SLC7A6: variants seen among roughly 807,000 people sequenced by gnomAD.
The protein encoded by SLC7A6 is solute carrier family 7 member 6.
In SLC7A6, 29 loss-of-function variants were observed where a neutral mutation model predicts 46.6. The ratio of observed to expected loss-of-function variants is 0.62; its 90% confidence interval spans 0.46 to 0.85. The LOEUF is 0.85. Among genes scored for constraint, SLC7A6 ranks in the 40% least tolerant of loss-of-function variants. The pLI is 0.00. For synonymous variants in SLC7A6, 276 were observed against 257.3 expected, an observed-to-expected ratio of 1.07 and a Z score of -0.70; for missense variants, 527 against 647.6, an observed-to-expected ratio of 0.81 and a Z score of 2.02.
intron 4 of SLC7A6, among the ~76,000 whole-genome samples, chr16:68,289,920 T>C (rs184003458): frequency 1.3e-5 from 2 of 152,260 alleles, no homozygotes; most frequent in Non-Finnish European, 2.9e-5. Flanking sequence ...CCAAGAGAGG[T>C]AGTTCACAGG....
chr16:68,291,709 C>T (rs754502426), intron 7 of SLC7A6, 48 bp downstream of exon 7: 2 of 1,543,668 alleles, frequency 1.3e-6, no homozygotes, highest in East Asian at 4.5e-5. Flanking sequence ...ATTTCATTCT[C>T]TGGGGCTTAG....
rs1186750811 is a variant in SLC7A6 at position 68,300,122 on chromosome 16, C to T, written c.*2794C>T. 1.3e-5 allele frequency: 2 copies of T among 152,186 alleles called. No homozygotes were observed. Among genetic ancestry groups the T allele is most frequent in the African/African-American group, 4.8e-5 (2 of 41,458 alleles). The allele number at this position is 152,186 out of a possible 1,614,324, so 9.4% of individuals were successfully genotyped here. The stretch of plus-strand genomic sequence containing the variant: ...AATGTTCTGTGTTGTTTCCTTAGAC[C>T]TGTGGTGTCCGCTGCAACAGCTACT... On this transcript the variant is annotated 3_prime_UTR_variant, in exon 11 of 11. Transcript: ENST00000219343.
chr16:68,273,760 G>A (rs578142780), intron 2 of SLC7A6: 4 of 147,604 alleles, frequency 2.7e-5, no homozygotes, highest in African/African-American at 1.0e-4. Context: ...CAGACACAGT[G>A]ATACCCAGGC....
At chr16:68,271,897 G>A (rs1390461530) in intron 2 of SLC7A6, among the ~76,000 whole-genome samples, 1 of 151,938 alleles carries the variant, frequency 6.6e-6, no homozygotes, top group Non-Finnish European at 1.5e-5. Flanking sequence ...CGCCTCCCAG[G>A]TTCAGGTGAT....
intron 5 of SLC7A6, 38 bp from the exon 6 acceptor site, chr16:68,291,171 G>A (rs367745799): frequency 9.3e-5 from 150 of 1,613,770 alleles, no homozygotes; most frequent in Non-Finnish European, 1.2e-4. Flanking sequence ...CCAAGGAGAG[G>A]TTGGTTCTAG....
At chr16:68,294,847 C>A (rs1404656947) in intron 8 of SLC7A6, 46 bp downstream of exon 8, 1 of 1,319,240 alleles carries the variant, frequency 7.6e-7, no homozygotes, top group Non-Finnish European at 1.1e-6. Flanking sequence ...CTGTGCATTG[C>A]TCCTTCTGAT....
At chr16:68,289,750 C>T (rs2043009357) in intron 4 of SLC7A6, among the ~76,000 whole-genome samples, 2 of 152,088 alleles carry the variant, frequency 1.3e-5, no homozygotes, top group African/African-American at 2.4e-5. Context: ...GCTGGCTCCC[C>T]GGAGGGTGGG....
chr16:68,291,103 G>T (rs933237406), intron 5 of SLC7A6, 106 bp from the exon 6 acceptor site: 8 of 1,446,758 alleles, frequency 5.5e-6, no homozygotes, highest in Non-Finnish European at 7.7e-6. Context: ...AAGACTTGGA[G>T]GCTAGTGAAC....
At chr16:68,294,464 G>C (rs1170027418) in intron 7 of SLC7A6, among the ~76,000 whole-genome samples, 1 of 152,090 alleles carries the variant, frequency 6.6e-6, no homozygotes, top group Non-Finnish European at 1.5e-5. Context: ...GTATCTGGGT[G>C]ATGGTGGGTG....
At position 68,301,626 on chromosome 16, in the gene SLC7A6, C is replaced by G. The variant is rs1349631256; in HGVS notation, c.*4298C>G. ...CACACTGGAGTATTTTGTCACTTCT[C>G]CCCTCCGTGGAGTATTTTGTCACTT... On this transcript the variant is annotated 3_prime_UTR_variant, in exon 11 of 11. Coordinates refer to ENST00000219343, the MANE Select transcript of SLC7A6 (RefSeq NM_003983.6). 2.6e-6 allele frequency: 1 copy of G among 380,632 alleles called. No homozygotes were observed. The highest frequency in any genetic ancestry group is 4.4e-5 in the East Asian group (1 of 22,586). 23.6% of individuals were successfully genotyped at this position (380,632 alleles called of 1,614,324 possible). A position where few individuals can be genotyped will look rare whatever the true frequency, so the allele number is the denominator to read the frequency against.
intron 4 of SLC7A6, 114 bp downstream of exon 4, chr16:68,287,985 T>C: frequency 7.1e-7 from 1 of 1,417,566 alleles, no homozygotes; most frequent in Non-Finnish European, 9.5e-7. Flanking sequence ...CTAGCATGTG[T>C]CAGTGAGTGC....
At chr16:68,295,129 AT>A (rs774278871) in intron 8 of SLC7A6, among the ~76,000 whole-genome samples, 1 of 152,088 alleles carries the variant, frequency 6.6e-6, no homozygotes, top group African/African-American at 2.4e-5. Context: ...TTAATAGCTA[AT>A]TTTTTTAGGG....
chr16:68,288,666 C>CT (rs1477171213), intron 4 of SLC7A6, among the ~76,000 whole-genome samples: 1 of 152,108 alleles, frequency 6.6e-6, no homozygotes, highest in Non-Finnish European at 1.5e-5. Context: ...AAAAGCTGTG[C>CT]TTTTAAGAAT....
At chr16:68,296,552 T>G (rs1196038500) in intron 9 of SLC7A6, 39 bp downstream of exon 9, 4 of 1,613,314 alleles carry the variant, frequency 2.5e-6, no homozygotes, top group Non-Finnish European at 3.4e-6. Flanking sequence ...GTGGGCCATC[T>G]CCCTAAGGTG....
intron 3 of SLC7A6, among the ~76,000 whole-genome samples, chr16:68,283,296 G>A (rs892160143): frequency 2.0e-5 from 3 of 152,210 alleles, no homozygotes; most frequent in Non-Finnish European, 2.9e-5. Context: ...CAGGGAGCCA[G>A]GTTTATTCCT....
Position 68,296,742 on chromosome 16 carries a change from T to C in SLC7A6, c.1385T>C (p.Val462Ala), listed in dbSNP as rs1262973254. The C allele has an allele frequency of 3.1e-6, 5 of 1,613,986 alleles. No homozygotes were observed. Among genetic ancestry groups the C allele is most frequent in the Non-Finnish European group, 2.5e-6 (3 of 1,180,028 alleles). ...LIGIGIALSG[V>A]PFYFMGVYLP... is the part of the protein sequence containing the mutation. The stretch of plus-strand genomic sequence containing the variant: ...GGCATCGGGATTGCCCTTTCTGGAG[T>C]CCCTTTCTACTTCATGGGTGTTTAC... Residue 462 changes from valine to alanine, a missense_variant, in exon 10 of 11, where the codon GTC becomes GCC. Transcript: ENST00000219343.
Position 68,294,536 on chromosome 16 carries a change from G to C in SLC7A6, c.1023-169G>C, listed in dbSNP as rs55710496. ...GAGGGAGGGAAAATCTGTAGGGAAG[G>C]GGGGAGCAGGGAGGTTGGACTGGTG... is the stretch of plus-strand genomic sequence containing the variant. On this transcript the variant is annotated intron_variant, in intron 7 of 10. Coordinates refer to ENST00000219343, the MANE Select transcript of SLC7A6 (RefSeq NM_003983.6). The C allele has an allele frequency of 2.5e-3, 1,527 of 600,090 alleles. 3 individuals are homozygous for C. Among genetic ancestry groups the C allele is most frequent in the East Asian group, 7.7e-3 (267 of 34,788 alleles). 37.2% of individuals were successfully genotyped at this position (600,090 alleles called of 1,614,324 possible).
At chr16:68,283,103 G>A (rs1161511792) in intron 3 of SLC7A6, among the ~76,000 whole-genome samples, 3 of 152,184 alleles carry the variant, frequency 2.0e-5, no homozygotes, top group Non-Finnish European at 4.4e-5. Flanking sequence ...AGATTGCCAG[G>A]CAATCTCCTC....
chr16:68,297,363 G>A lies in SLC7A6; in HGVS notation c.*35G>A. 1 of 1,575,022 alleles carries A rather than the reference G, an allele frequency of 6.3e-7. No individual in the cohort carries two copies. Among genetic ancestry groups the A allele is most frequent in the Non-Finnish European group, 8.7e-7 (1 of 1,147,376 alleles). ...GTGGCTTTCTGAGGCCTGGAAGGCA[G>A]GCCAACCAGCAAAATCCTGATAACA... On this transcript the variant is annotated 3_prime_UTR_variant, in exon 11 of 11. Coordinates refer to ENST00000219343, the MANE Select transcript of SLC7A6 (RefSeq NM_003983.6).
Sources: allele counts gnomAD v4.1 joint callset (sites outside exome capture counted in the v4.1 genomes callset), GRCh38; gene constraint gnomAD v4.1.1; transcripts MANE v1.5; gene names NCBI Gene and HGNC (gene_info 2026-07-23, HGNC 2026-07-21).